ENPP2: variants seen among roughly 807,000 people sequenced by gnomAD.
The protein encoded by ENPP2 is autotaxin.
A neutral mutation model predicts 120.2 loss-of-function variants in ENPP2; 51 were observed. The ratio of observed to expected loss-of-function variants is 0.42; its 90% CI spans 0.34 to 0.54. ENPP2 has a LOEUF of 0.54. Ranked by LOEUF, ENPP2 falls within the 20% of genes least tolerant of loss-of-function variation. The pLI is 0.04. For synonymous variants in ENPP2, 365 were observed against 366.4 expected (o/e 1.00, Z 0.04); for missense variants, 920 against 1,066.5 (o/e 0.86, Z 1.91).
upstream of ENPP2, among the ~76,000 whole-genome samples, chr8:119,642,754 A>G (rs1391458996): frequency 2.0e-5 from 3 of 152,192 alleles, no homozygotes; most frequent in Non-Finnish European, 2.9e-5. Context: ...TAGTGTGTGT[A>G]TTGCTTAATT....
intron 11 of ENPP2, among the ~76,000 whole-genome samples, chr8:119,599,900 G>A (rs764730390): frequency 9.2e-5 from 14 of 151,764 alleles, no homozygotes; most frequent in Non-Finnish European, 1.3e-4. Flanking sequence ...CCAGCTACTC[G>A]GGAGGCTGAG....
intron 20 of ENPP2, among the ~76,000 whole-genome samples, chr8:119,569,914 G>A (rs930256943): frequency 6.6e-6 from 1 of 151,944 alleles, no homozygotes; most frequent in Non-Finnish European, 1.5e-5. Flanking sequence ...TCTAATTTGT[G>A]ATATATACCT....
At chr8:119,582,641 AT>A in intron 17 of ENPP2, 39 bp from the exon 18 acceptor site, 7 of 1,412,238 alleles carry the variant, frequency 5.0e-6, no homozygotes, top group Non-Finnish European at 7.0e-6. Flanking sequence ...TGCTTCTTAT[AT>A]TTTTTTGATG....
At chr8:119,644,018 G>C (rs1817357625) in intron 1 of ENPP2, among the ~76,000 whole-genome samples, 1 of 151,994 alleles carries the variant, frequency 6.6e-6, no homozygotes, top group Non-Finnish European at 1.5e-5. Flanking sequence ...AGGGAGAGCA[G>C]AAGTGAGTAT....
chr8:119,607,457 C>G (rs1814796166), intron 9 of ENPP2, among the ~76,000 whole-genome samples: 1 of 152,056 alleles, frequency 6.6e-6, no homozygotes, highest in Admixed American at 6.5e-5. Flanking sequence ...GGGAGGATCA[C>G]AAGGTCAGGA....
At position 119,557,553 on chromosome 8, in the gene ENPP2, T is replaced by A; in HGVS notation, c.2560A>T (p.Thr854Ser). The A allele has an allele frequency of 1.2e-6, 2 of 1,613,342 alleles. No homozygotes were observed. The highest frequency in any genetic ancestry group is 2.2e-5 in the East Asian group (1 of 44,888). ...TCGCTCTCATATGTATGCAGGTATG[T>A]CTTGAGTGTCAGGATTTCTGGGTAG... ...RSYPEILTLKTYLHTYESEI is the reference protein window; with the variant it reads ...RSYPEILTLKSYLHTYESEI Residue 854 changes from threonine to serine, a missense_variant, in exon 25 of 25, where the codon ACA (threonine) becomes TCA (serine). Transcript: ENST00000075322.
intron 1 of ENPP2, among the ~76,000 whole-genome samples, chr8:119,646,118 G>A (rs1251310197): frequency 6.6e-6 from 1 of 151,816 alleles, no homozygotes; most frequent in Non-Finnish European, 1.5e-5. Flanking sequence ...ACAGGCATGT[G>A]TCACCATACC....
chr8:119,663,112 C>T (rs1273699972), intron 1 of ENPP2, among the ~76,000 whole-genome samples: 1 of 120,170 alleles, frequency 8.3e-6, no homozygotes, highest in African/African-American at 3.2e-5. Context: ...GTGAGAGACT[C>T]TTGTCTCAAA....
At position 119,564,840 on chromosome 8, in the gene ENPP2, T is replaced by C. The variant is rs370995378; in HGVS notation, c.2247A>G (p.Thr749=). The C allele has an allele frequency of 1.9e-5, 31 of 1,613,572 alleles. No individual in the cohort carries two copies. In the African/African-American group the frequency reaches 4.0e-4, roughly 21 times the overall value. The change falls in exon 23 of 25, where the codon ACA becomes ACG. Residue 749 remains threonine (T), a synonymous_variant. Coordinates refer to ENST00000075322, the MANE Select transcript of ENPP2 (RefSeq NM_001040092.3). The part of the protein sequence containing the change: ...FDYDYDGLHD[T]EDKIKQYVEG... ...ACGCTTACTGTTTTATTTTGTCTTCTGTGTCATGTAAGCCATCATAGTCAT... is the reference window on the plus strand; with the variant it reads ...ACGCTTACTGTTTTATTTTGTCTTCCGTGTCATGTAAGCCATCATAGTCAT...
chr8:119,641,342 C>T (rs1052239771), upstream of ENPP2, among the ~76,000 whole-genome samples: 1 of 151,052 alleles, frequency 6.6e-6, no homozygotes, highest in Non-Finnish European at 1.5e-5. Context: ...AAAAAAGCTT[C>T]ACAGTGCATA....
chr8:119,565,005 T>G (rs753452910), intron 22 of ENPP2, 50 bp from the exon 23 acceptor site: 30 of 1,561,802 alleles, frequency 1.9e-5, no homozygotes, highest in South Asian at 3.4e-5. Context: ...AGAAAACTCC[T>G]TACTCTAGCC....
At chr8:119,612,845 A>G (rs2130674464) in intron 8 of ENPP2, among the ~76,000 whole-genome samples, 1 of 152,248 alleles carries the variant, frequency 6.6e-6, no homozygotes, top group East Asian at 1.9e-4. Flanking sequence ...AGCCAAAATC[A>G]TGCCACTGCA....
chr8:119,594,620 A>C (rs950004925), intron 11 of ENPP2, among the ~76,000 whole-genome samples: 1 of 152,176 alleles, frequency 6.6e-6, no homozygotes, highest in Non-Finnish European at 1.5e-5. Context: ...TCTTACTTCA[A>C]ATGGAAGTTT....
At chr8:119,583,553 G>A (rs1410051985) in intron 17 of ENPP2, among the ~76,000 whole-genome samples, 164 bp downstream of exon 17, 2 of 152,148 alleles carry the variant, frequency 1.3e-5, no homozygotes, top group Non-Finnish European at 2.9e-5. Flanking sequence ...CCTTAGAAGG[G>A]GATAATATTC....
chr8:119,602,714 A>C (rs950481665), intron 9 of ENPP2, among the ~76,000 whole-genome samples: 1 of 152,182 alleles, frequency 6.6e-6, no homozygotes, highest in Non-Finnish European at 1.5e-5. Context: ...ACTCTTTCCC[A>C]ACAGGGAGCA....
At chr8:119,603,632 T>G (rs1384220917) in intron 9 of ENPP2, among the ~76,000 whole-genome samples, 1 of 152,166 alleles carries the variant, frequency 6.6e-6, no homozygotes, top group African/African-American at 2.4e-5. Flanking sequence ...ACATTTAGAA[T>G]AGTGAAAAGC....
At chr8:119,622,742 A>G (rs1279135884) in intron 3 of ENPP2, among the ~76,000 whole-genome samples, 1 of 151,528 alleles carries the variant, frequency 6.6e-6, no homozygotes, top group African/African-American at 2.4e-5. Context: ...ATTCAGAACT[A>G]CTCTATTGAG....
At chr8:119,586,081 C>T in intron 15 of ENPP2, 105 bp downstream of exon 15, 1 of 1,267,008 alleles carries the variant, frequency 7.9e-7, no homozygotes, top group Non-Finnish European at 1.1e-6. Context: ...GTGAGATTTC[C>T]AACTGATATT....
At chr8:119,590,794 G>A (rs759938228) in intron 12 of ENPP2, among the ~76,000 whole-genome samples, 164 bp from the exon 13 acceptor site, 2 of 151,968 alleles carry the variant, frequency 1.3e-5, no homozygotes, top group Non-Finnish European at 2.9e-5. Context: ...AATGGTTTAA[G>A]GCTTCTCTGT....
Sources: gnomAD v4.1 joint callset for allele counts (sites outside exome capture counted in the v4.1 genomes callset) on GRCh38, gnomAD v4.1.1 for gene constraint, MANE v1.5 for transcripts, NCBI Gene and HGNC (gene_info 2026-07-23, HGNC 2026-07-21) for gene names.